The following GRIN3A variants were observed in gnomAD, a reference collection of about 807,000 sequenced individuals.
GRIN3A encodes the protein glutamate receptor ionotropic, NMDA 3A.
A neutral mutation model predicts 92.4 loss-of-function variants in GRIN3A; 47 were observed. That is an observed-to-expected ratio of 0.51 (90% confidence interval 0.40 to 0.65). GRIN3A has a LOEUF of 0.65. Ranked by LOEUF, GRIN3A falls within the 30% of genes least tolerant of loss-of-function variation. The pLI, the probability that GRIN3A is intolerant of heterozygous loss-of-function variation, is 0.00. For synonymous variants in GRIN3A, 527 were observed against 540.6 expected (o/e 0.97, Z 0.35); for missense variants, 1,324 against 1,393.1 (o/e 0.95, Z 0.79).
intron 1 of GRIN3A, among the ~76,000 whole-genome samples, chr9:101,699,710 T>C (rs1402812138): frequency 6.6e-6 from 1 of 152,214 alleles, no homozygotes; most frequent in Non-Finnish European, 1.5e-5. Context: ...CAGACTGTTA[T>C]ATATCCCCAT....
At chr9:101,682,863 T>C (rs1479944933) in intron 2 of GRIN3A, among the ~76,000 whole-genome samples, 7 of 152,270 alleles carry the variant, frequency 4.6e-5, no homozygotes, top group African/African-American at 1.7e-4. Context: ...GCGCCTGTAG[T>C]CCCAGCTACT....
At chr9:101,684,707 A>G (rs952297062) in intron 2 of GRIN3A, among the ~76,000 whole-genome samples, 6 of 152,208 alleles carry the variant, frequency 3.9e-5, no homozygotes, top group African/African-American at 1.2e-4. Context: ...AACTTAAGTC[A>G]ACAAATATTC....
chr9:101,662,932 C>T (rs1296589715), intron 3 of GRIN3A, among the ~76,000 whole-genome samples: 1 of 151,816 alleles, frequency 6.6e-6, no homozygotes, highest in African/African-American at 2.4e-5. Context: ...GTAGGAAGTA[C>T]AGCTCTCCCT....
At chr9:101,615,641 C>A (rs1279601460) in intron 5 of GRIN3A, among the ~76,000 whole-genome samples, 1 of 152,152 alleles carries the variant, frequency 6.6e-6, no homozygotes, top group Non-Finnish European at 1.5e-5. Flanking sequence ...AGGCATGAAC[C>A]ACTGCGCCCG....
At chr9:101,727,532 A>G (rs1830094896) in intron 1 of GRIN3A, among the ~76,000 whole-genome samples, 2 of 152,162 alleles carry the variant, frequency 1.3e-5, no homozygotes. Context: ...ACTAAGAATT[A>G]ATGACTCTAC....
At chr9:101,630,764 A>C (rs546504452) in intron 3 of GRIN3A, among the ~76,000 whole-genome samples, 54 of 152,330 alleles carry the variant, frequency 3.5e-4, no homozygotes, top group African/African-American at 1.2e-3. Context: ...TGGATAGTTA[A>C]AGTAACACCA....
At chr9:101,664,405 G>A (rs1829212327) in intron 3 of GRIN3A, among the ~76,000 whole-genome samples, 1 of 151,966 alleles carries the variant, frequency 6.6e-6, no homozygotes, top group African/African-American at 2.4e-5. Flanking sequence ...CCACTCTGAA[G>A]CGTGGAGCTT....
intron 3 of GRIN3A, among the ~76,000 whole-genome samples, chr9:101,663,808 C>T (rs1206397792): frequency 6.6e-6 from 1 of 151,304 alleles, no homozygotes; most frequent in Non-Finnish European, 1.5e-5. Context: ...TGTCATTTGC[C>T]TGTACAACAA....
chr9:101,703,964 A>G (rs1397783916), intron 1 of GRIN3A, among the ~76,000 whole-genome samples: 3 of 152,004 alleles, frequency 2.0e-5, no homozygotes, highest in South Asian at 4.2e-4. Context: ...ATCTTTATCT[A>G]ATTTAGTTCC....
chr9:101,728,147 C>G (rs1368603590), intron 1 of GRIN3A, among the ~76,000 whole-genome samples: 2 of 152,120 alleles, frequency 1.3e-5, no homozygotes, highest in Non-Finnish European at 2.9e-5. Context: ...GATTGTGATT[C>G]TGTTAGACAA....
intron 6 of GRIN3A, among the ~76,000 whole-genome samples, chr9:101,586,641 T>C (rs189199010): frequency 6.6e-6 from 1 of 152,336 alleles, no homozygotes; most frequent in South Asian, 2.1e-4. Flanking sequence ...AGTAAAACAC[T>C]GGAAACTGAA....
intron 3 of GRIN3A, among the ~76,000 whole-genome samples, chr9:101,647,164 G>A (rs1391859784): frequency 6.6e-6 from 1 of 151,840 alleles, no homozygotes; most frequent in Non-Finnish European, 1.5e-5. Context: ...TTTAAGGCAT[G>A]TTCATGCTAT....
intron 6 of GRIN3A, among the ~76,000 whole-genome samples, chr9:101,586,773 T>C (rs2118799566): frequency 6.6e-6 from 1 of 152,336 alleles, no homozygotes; most frequent in South Asian, 2.1e-4. Context: ...CCCTGCTCCC[T>C]GTTCACCAGG....
intron 6 of GRIN3A, chr9:101,594,744 C>T: frequency 2.5e-6 from 4 of 1,614,142 alleles, no homozygotes; most frequent in Non-Finnish European, 3.4e-6. Flanking sequence ...TCGAAGACGT[C>T]GATCACTCGC....
chr9:101,628,297 C>G lies in GRIN3A; in HGVS notation c.2457G>C (p.Arg819Ser), dbSNP rs1014209424. 3.7e-6 allele frequency: 6 copies of G among 1,613,944 alleles called. No homozygotes were observed. Among genetic ancestry groups the G allele is most frequent in the Non-Finnish European group, 5.1e-6 (6 of 1,179,910 alleles). ...CATCAGGGGTGGCTGGAACATTGTA[C>G]CTTCTCATATATTCATGCATCTCTG... The part of the protein sequence containing the change: ...SFPEMHEYMR[R>S]YNVPATPDGV... The change falls in exon 4 of 9, where the codon AGG becomes AGC. Residue 819 changes from arginine to serine, a missense_variant. Transcript: ENST00000361820.
chr9:101,654,192 T>G (rs1829052217), intron 3 of GRIN3A, among the ~76,000 whole-genome samples: 2 of 151,084 alleles, frequency 1.3e-5, no homozygotes, highest in South Asian at 4.2e-4. Flanking sequence ...GAATCTTAAG[T>G]TTTTTTTTCT....
intron 1 of GRIN3A, among the ~76,000 whole-genome samples, chr9:101,699,198 A>G (rs1262969916): frequency 1.3e-5 from 2 of 152,098 alleles, no homozygotes; most frequent in Non-Finnish European, 2.9e-5. Context: ...ATATGAACAG[A>G]TATTAGCCTA....
chr9:101,587,616 A>G (rs1342173005), intron 6 of GRIN3A, among the ~76,000 whole-genome samples: 1 of 152,214 alleles, frequency 6.6e-6, no homozygotes, highest in Non-Finnish European at 1.5e-5. Flanking sequence ...TCCCTATTAA[A>G]TATTTTTCCC....
At position 101,578,210 on chromosome 9, in the gene GRIN3A, AAGG is replaced by A. The variant is rs1289010990; in HGVS notation, c.2932-369_2932-367del. 2.0e-5 allele frequency among the ~76,000 whole-genome samples: 3 copies of A among 152,328 alleles called. No homozygotes were observed. The East Asian group carries it at 5.8e-4, about 29-fold the overall frequency. ...AATTGACAACCAAAACAAAGAAGGG[AAGG>A]AGGACTCTTGAGAATTAAGTTAATC... On this transcript the variant is annotated intron_variant, in intron 7 of 8. Transcript: ENST00000361820.
Sources: allele counts gnomAD v4.1 joint callset (sites outside exome capture counted in the v4.1 genomes callset), GRCh38; gene constraint gnomAD v4.1.1; transcripts MANE v1.5; gene names NCBI Gene and HGNC (gene_info 2026-07-23, HGNC 2026-07-21).